AGAP1: variants seen among roughly 807,000 people sequenced by gnomAD.
AGAP1 encodes the protein ArfGAP with GTPase domain, ankyrin repeat and PH domain 1.
A neutral mutation model predicts 105.3 loss-of-function variants in AGAP1; 29 were observed. That is an observed-to-expected ratio of 0.28 (90% CI 0.21 to 0.38). The LOEUF is 0.38. Among genes scored for constraint, AGAP1 ranks in the 10% least tolerant of loss-of-function variants. The probability of loss-of-function intolerance (pLI) is 1.00; values close to 1 mark genes in which losing one functional copy is unlikely to be tolerated. For missense variants in AGAP1, 998 were observed against 1,165.1 expected, an observed-to-expected ratio of 0.86 and a Z score of 2.09; for synonymous variants, 509 against 485.9, an observed-to-expected ratio of 1.05 and a Z score of -0.63.
chr2:236,065,613 T>C (rs909021879), intron 16 of AGAP1, among the ~76,000 whole-genome samples: 2 of 152,206 alleles, frequency 1.3e-5, no homozygotes, highest in Non-Finnish European at 2.9e-5. Flanking sequence ...AAAGGAACGC[T>C]TTTAAATGTG....
intron 1 of AGAP1, among the ~76,000 whole-genome samples, chr2:235,649,848 A>G (rs767816851): frequency 8.5e-5 from 13 of 152,198 alleles, no homozygotes; most frequent in Non-Finnish European, 1.6e-4. Context: ...CAATTGAAGT[A>G]CTTCAGCTCC....
intron 6 of AGAP1, chr2:235,776,998 G>A (rs924222464): frequency 1.5e-5 from 7 of 471,034 alleles, no homozygotes; most frequent in East Asian, 6.9e-5. Context: ...TTCCCAGCAC[G>A]TTTTATCATG....
In AGAP1 at chr2:235,621,102, A is replaced by G. The variant is rs1016766995; in HGVS notation, c.164-88077A>G. 6.6e-6 allele frequency among the ~76,000 whole-genome samples: 1 copy of G among 152,054 alleles called. No homozygotes were observed. The highest frequency in any genetic ancestry group is 1.5e-5 in the Non-Finnish European group (1 of 67,996). Reference sequence around the variant, plus strand: ...AATGGCACAATCTTGGCTCACTGCAAACTCCACCTCCTAGGTTCAAGCAAT... The same window carrying G: ...AATGGCACAATCTTGGCTCACTGCAGACTCCACCTCCTAGGTTCAAGCAAT... On this transcript the variant is annotated intron_variant, in intron 1 of 17. Transcript: ENST00000304032. The surrounding 1 kb of genome is among the most constrained non-coding windows in gnomAD (Gnocchi z 4.1).
At chr2:235,649,181 G>A (rs1170056077) in intron 1 of AGAP1, among the ~76,000 whole-genome samples, 1 of 152,150 alleles carries the variant, frequency 6.6e-6, no homozygotes, top group Non-Finnish European at 1.5e-5. Context: ...TCACTGAGTG[G>A]GACGCTCCTC....
chr2:235,510,891 G>T (rs574980470), intron 1 of AGAP1, among the ~76,000 whole-genome samples: 9 of 151,154 alleles, frequency 6.0e-5, no homozygotes, highest in African/African-American at 2.2e-4. Context: ...ATCCAAGGGA[G>T]CAGAGCCAGT....
intron 1 of AGAP1, among the ~76,000 whole-genome samples, chr2:235,545,409 C>T (rs899805682): frequency 1.3e-5 from 2 of 152,186 alleles, no homozygotes; most frequent in Admixed American, 6.5e-5. Context: ...GCAGGGCTGG[C>T]GTGTGAGCCC....
At chr2:236,069,114 G>A (rs1260262502) in intron 16 of AGAP1, among the ~76,000 whole-genome samples, 2 of 150,592 alleles carry the variant, frequency 1.3e-5, no homozygotes, top group Middle Eastern at 3.4e-3. Flanking sequence ...GCAACAGCGT[G>A]AGACTCCATC....
rs76564361 is a variant in AGAP1 at position 235,945,297 on chromosome 2, G to C, written c.1483+14374G>C. On this transcript the variant is annotated intron_variant, in intron 12 of 17. Coordinates refer to ENST00000304032, the MANE Select transcript of AGAP1 (RefSeq NM_001037131.3). ...TTGTATTTTTAGTAGAGTTGGGGGG[G>C]GGTTCACCGTGTTAGCCAGGATGGT... Among the ~76,000 whole-genome samples the C allele has an allele frequency of 9.4e-3, 1,430 of 152,114 alleles. 22 individuals carry two copies. The highest frequency in any genetic ancestry group is 0.032 in the African/African-American group (1,337 of 41,510).
rs928593542 is a variant in AGAP1 at position 235,982,736 on chromosome 2, C to T, written c.1645+14113C>T. On this transcript the variant is annotated intron_variant, in intron 13 of 17. Transcript: ENST00000304032. The surrounding 1 kb of genome is among the most constrained non-coding windows in gnomAD (Gnocchi z 4.9). ...TTCTTTCCAGACTTCCACCATTGTG[C>T]CCTGAGTGGTTCCAGAATGTCATTG... 2.6e-5 allele frequency among the ~76,000 whole-genome samples: 4 copies of T among 152,216 alleles called. No individual in the cohort carries two copies. Among genetic ancestry groups the T allele is most frequent in the African/African-American group, 9.6e-5 (4 of 41,454 alleles).
At chr2:235,590,712 T>TGTGTGTGTGTGTGC (rs369129304) in intron 1 of AGAP1, among the ~76,000 whole-genome samples, 2 of 117,026 alleles carry the variant, frequency 1.7e-5, no homozygotes, top group African/African-American at 7.3e-5. Flanking sequence ...TGTGTGTGTG[T>TGTGTGTGTGTGTGC]GCATTTTTTT....
intron 9 of AGAP1, chr2:235,853,222 G>A (rs1029542556): frequency 6.8e-6 from 7 of 1,021,988 alleles, no homozygotes; most frequent in African/African-American, 3.4e-5. Flanking sequence ...TCTTGACTGC[G>A]TTTTATAGAC....
chr2:235,986,560 AGGAAT>A (rs796431689), intron 13 of AGAP1, among the ~76,000 whole-genome samples: 12 of 152,240 alleles, frequency 7.9e-5, no homozygotes, highest in African/African-American at 2.9e-4. Context: ...AGTTTTCAGA[AGGAAT>A]GCTTCCAGCT....
At chr2:235,834,336 T>C (rs1024473868) in intron 9 of AGAP1, among the ~76,000 whole-genome samples, 2 of 152,164 alleles carry the variant, frequency 1.3e-5, no homozygotes, top group Non-Finnish European at 1.5e-5. Flanking sequence ...AGACAGAACA[T>C]GGGGACAAGA....
chr2:235,621,903 C>T lies in AGAP1; in HGVS notation c.164-87276C>T, dbSNP rs1946494126. Among the ~76,000 whole-genome samples, 1 of 151,608 alleles carries T rather than the reference C, an allele frequency of 6.6e-6. No individual in the cohort carries two copies. Among genetic ancestry groups the T allele is most frequent in the East Asian group, 1.9e-4 (1 of 5,154 alleles). On this transcript the variant is annotated intron_variant, in intron 1 of 17. Transcript: ENST00000304032. This position sits in a 1 kb window ranked among gnomAD's most constrained non-coding sequence, Gnocchi z 4.1. Reference sequence around the variant, plus strand: ...GATCGGAAGGGAGTGCCGCGCAGACCCCCCCACCCCCTCAGAACAGCGGCC... The same window carrying T: ...GATCGGAAGGGAGTGCCGCGCAGACTCCCCCACCCCCTCAGAACAGCGGCC...
At chr2:235,878,376 AC>A (rs1265868759) in intron 9 of AGAP1, among the ~76,000 whole-genome samples, 2 of 151,880 alleles carry the variant, frequency 1.3e-5, no homozygotes, top group Non-Finnish European at 2.9e-5. Flanking sequence ...GCCACGTGGG[AC>A]CCTCCAGCCC....
intron 13 of AGAP1, among the ~76,000 whole-genome samples, chr2:236,029,304 C>A (rs1452853665): frequency 6.8e-6 from 1 of 146,662 alleles, no homozygotes; most frequent in Non-Finnish European, 1.5e-5. Context: ...GAGATGAAGT[C>A]TTTCCTTGTC....
intron 1 of AGAP1, among the ~76,000 whole-genome samples, chr2:235,513,545 A>G (rs1406952576): frequency 2.7e-5 from 4 of 150,314 alleles, no homozygotes; most frequent in Admixed American, 2.0e-4. Flanking sequence ...AAAAAAAAAA[A>G]AAGAAATGCA....
chr2:236,032,363 A>C (rs1280655062), intron 13 of AGAP1, among the ~76,000 whole-genome samples: 1 of 152,204 alleles, frequency 6.6e-6, no homozygotes. Context: ...CACCCTGATA[A>C]AAGCCTTGCT....
Position 235,830,203 on chromosome 2 carries a change from C to T in AGAP1, c.1050+22872C>T, listed in dbSNP as rs960474984. ...AAGATGCAGACAAGGTAGGAGTCGGCTCTGTGTGACTTCCCCATGACACCA... is the reference window on the plus strand; with the variant it reads ...AAGATGCAGACAAGGTAGGAGTCGGTTCTGTGTGACTTCCCCATGACACCA... On this transcript the variant is annotated intron_variant, in intron 9 of 17. Transcript: ENST00000304032. The surrounding 1 kb of genome is among the most constrained non-coding windows in gnomAD (Gnocchi z 5.5). 2.0e-5 allele frequency among the ~76,000 whole-genome samples: 3 copies of T among 152,176 alleles called. No individual in the cohort carries two copies. The highest frequency in any genetic ancestry group is 4.4e-5 in the Non-Finnish European group (3 of 68,032).
Sources: gnomAD v4.1 joint callset for allele counts (sites outside exome capture counted in the v4.1 genomes callset) on GRCh38, gnomAD v4.1.1 for gene constraint, Gnocchi (gnomAD v3.1) non-coding constraint, MANE v1.5 for transcripts, NCBI Gene and HGNC (gene_info 2026-07-23, HGNC 2026-07-21) for gene names.